CSMD2: variants seen among roughly 807,000 people sequenced by gnomAD.
CSMD2 encodes CUB and Sushi multiple domains 2.
CSMD2 carries 130 observed loss-of-function variants against 398.5 expected under a neutral mutation model. The observed-to-expected ratio is 0.33, with a 90% CI of 0.28 to 0.38. The LOEUF (loss-of-function observed/expected upper bound fraction) is 0.38. Among genes scored for constraint, CSMD2 ranks in the 10% least tolerant of loss-of-function variants. CSMD2 has a pLI of 1.00. For missense variants in CSMD2, 3,829 were observed against 4,764.9 expected (o/e 0.80, Z 5.78); for synonymous variants, 1,828 against 1,908.5 (o/e 0.96, Z 1.10).
Position 33,616,887 on chromosome 1 carries a change from A to C in CSMD2, c.6016+19T>G. 1 of 1,605,852 alleles carries C rather than the reference A, an allele frequency of 6.2e-7. No homozygotes were observed. The highest frequency in any genetic ancestry group is 1.3e-5 in the African/African-American group (1 of 74,924). On this transcript the variant is annotated intron_variant, in intron 39 of 70. Transcript: ENST00000373381. The stretch of plus-strand genomic sequence containing the variant: ...GAGAAAATTGGTTGGAATGAATTGT[A>C]AAGTCTGGGCTGTCTTACCAATACA...
At chr1:34,041,964 T>G (rs543634757) in intron 2 of CSMD2, among the ~76,000 whole-genome samples, 38 of 152,208 alleles carry the variant, frequency 2.5e-4, no homozygotes, top group Non-Finnish European at 4.6e-4. Context: ...AGGTCTCAGA[T>G]GCTGATCCTC....
chr1:33,588,403 TAACTA>T (rs1276556049), intron 44 of CSMD2, among the ~76,000 whole-genome samples: 1 of 152,180 alleles, frequency 6.6e-6, no homozygotes, highest in Non-Finnish European at 1.5e-5. Context: ...TTTTCTTTTT[TAACTA>T]GGAAGATTCA....
intron 13 of CSMD2, among the ~76,000 whole-genome samples, chr1:33,751,921 A>G (rs1648308616): frequency 6.6e-6 from 1 of 152,132 alleles, no homozygotes; most frequent in Non-Finnish European, 1.5e-5. Context: ...CACTGTGCCC[A>G]GCCAAGTTGG....
intron 1 of CSMD2, among the ~76,000 whole-genome samples, chr1:34,157,960 G>A (rs1364484864): frequency 6.6e-6 from 1 of 152,086 alleles, no homozygotes; most frequent in African/African-American, 2.4e-5. Context: ...AGGCCAAAGG[G>A]GTCTCACCTT....
intron 3 of CSMD2, among the ~76,000 whole-genome samples, chr1:33,983,931 T>A (rs1173300603): frequency 1.4e-4 from 21 of 152,098 alleles, no homozygotes; most frequent in Admixed American, 1.4e-3. Context: ...GGCAGGTGGA[T>A]CACCTAAGGT....
chr1:33,678,555 G>A (rs931687986), intron 25 of CSMD2, among the ~76,000 whole-genome samples: 1 of 152,094 alleles, frequency 6.6e-6, no homozygotes, highest in Non-Finnish European at 1.5e-5. Flanking sequence ...GCTGCAGGGG[G>A]AAGGGGGTCA....
chr1:33,554,794 G>T (rs1317740192), intron 55 of CSMD2, among the ~76,000 whole-genome samples: 2 of 152,140 alleles, frequency 1.3e-5, no homozygotes, highest in Non-Finnish European at 2.9e-5. Flanking sequence ...AGAAAAAAGA[G>T]ATTCCTTTCA....
rs1570163977 is a variant in CSMD2, at chr1:33,830,941, T to C, written c.1034-5167A>G. ...GGAAGATCAAATGAATGAAATGAAG[T>C]GAGAAGGGAAGTTTAGAGAAAAAAG... On this transcript the variant is annotated intron_variant, in intron 6 of 70. Coordinates refer to ENST00000373381, the MANE Select transcript of CSMD2 (RefSeq NM_001281956.2). 2.0e-5 allele frequency among the ~76,000 whole-genome samples: 3 copies of C among 152,022 alleles called. No homozygotes were observed. In the East Asian group the frequency reaches 5.8e-4, roughly 29 times the overall value.
intron 10 of CSMD2, among the ~76,000 whole-genome samples, chr1:33,798,473 C>T (rs921579380): frequency 6.6e-6 from 1 of 152,036 alleles, no homozygotes; most frequent in Non-Finnish European, 1.5e-5. Flanking sequence ...GAAGGGGGTC[C>T]ATAGAGGAGG....
rs967124526 is a variant in CSMD2 at position 34,127,181 on chromosome 1, C to T, written c.187+37730G>A. Among the ~76,000 whole-genome samples the T allele has an allele frequency of 6.6e-5, 10 of 152,232 alleles. 1 individual carries two copies. The highest frequency in any genetic ancestry group is 3.9e-4 in the East Asian group (2 of 5,164). Reference sequence around the variant, plus strand: ...AGCTTCACAACAAAGGCTCCGTCAGCGGCATCCGACCCCCCAGGTCCCCAT... The same window carrying T: ...AGCTTCACAACAAAGGCTCCGTCAGTGGCATCCGACCCCCCAGGTCCCCAT... On this transcript the variant is annotated intron_variant, in intron 1 of 70. Coordinates refer to ENST00000373381, the MANE Select transcript of CSMD2 (RefSeq NM_001281956.2).
intron 3 of CSMD2, among the ~76,000 whole-genome samples, chr1:33,982,680 G>T (rs1322064668): frequency 6.6e-6 from 1 of 152,198 alleles, no homozygotes; most frequent in Non-Finnish European, 1.5e-5. Flanking sequence ...CCTGCCAGTT[G>T]GTGGAGGAAA....
At chr1:33,803,663 ATC>A (rs1354617385) in intron 10 of CSMD2, among the ~76,000 whole-genome samples, 2 of 151,878 alleles carry the variant, frequency 1.3e-5, no homozygotes, top group African/African-American at 4.8e-5. Flanking sequence ...TATCTCCTAA[ATC>A]TCTCTCATCT....
intron 1 of CSMD2, among the ~76,000 whole-genome samples, chr1:34,104,159 A>G (rs1237712726): frequency 6.6e-6 from 1 of 152,170 alleles, no homozygotes; most frequent in Admixed American, 6.5e-5. Context: ...CAGACATTTT[A>G]TGCACTTTTT....
At chr1:34,115,363 CTACAAAAGAGT>C (rs1661506504) in intron 1 of CSMD2, among the ~76,000 whole-genome samples, 1 of 152,020 alleles carries the variant, frequency 6.6e-6, no homozygotes, top group Non-Finnish European at 1.5e-5. Context: ...GACTCATCAC[CTACAAAAGAGT>C]TCTCATAAGA....
intron 1 of CSMD2, among the ~76,000 whole-genome samples, chr1:34,134,295 T>G (rs973171467): frequency 3.3e-5 from 5 of 152,140 alleles, no homozygotes; most frequent in Non-Finnish European, 1.5e-5. Context: ...GGGAAAGCCA[T>G]GAAATGGGAG....
At chr1:34,026,726 G>A (rs1329898880) in intron 3 of CSMD2, among the ~76,000 whole-genome samples, 2 of 152,238 alleles carry the variant, frequency 1.3e-5, no homozygotes, top group African/African-American at 4.8e-5. Context: ...ACAGTTGGGA[G>A]TTGTGTGTGG....
At chr1:33,997,376 C>T (rs368477711) in intron 3 of CSMD2, among the ~76,000 whole-genome samples, 22 of 152,292 alleles carry the variant, frequency 1.4e-4, no homozygotes, top group East Asian at 5.8e-4. Flanking sequence ...TCCTTAGTAA[C>T]GGCATTATTA....
At chr1:33,895,713 C>A (rs1642342804) in intron 5 of CSMD2, among the ~76,000 whole-genome samples, 1 of 152,140 alleles carries the variant, frequency 6.6e-6, no homozygotes, top group Non-Finnish European at 1.5e-5. Flanking sequence ...TCCAGAAAGG[C>A]TGAGAGGGGG....
At position 34,144,985 on chromosome 1, in the gene CSMD2, C is replaced by T. The variant is rs374263819; in HGVS notation, c.187+19926G>A. ...CACACTGCCCTTTGTCCACTCTGAT[C>T]GGTGAGACCGAGCTGTGGCCCTTGG... On this transcript the variant is annotated intron_variant, in intron 1 of 70. Transcript: ENST00000373381. 3.6e-4 allele frequency among the ~76,000 whole-genome samples: 55 copies of T among 152,342 alleles called. No individual in the cohort carries two copies. The South Asian group carries it at 0.01, about 28-fold the overall frequency.
Sources: allele counts gnomAD v4.1 joint callset (sites outside exome capture counted in the v4.1 genomes callset), GRCh38; gene constraint gnomAD v4.1.1; transcripts MANE v1.5; gene names NCBI Gene and HGNC (gene_info 2026-07-23, HGNC 2026-07-21).